Variants in TRPV3 observed in about 807,000 individuals in gnomAD.
The protein encoded by TRPV3 is transient receptor potential cation channel subfamily V member 3.
A neutral mutation model predicts 87.1 loss-of-function variants in TRPV3; 88 were observed. The observed-to-expected ratio is 1.01, with a 90% CI of 0.85 to 1.21. The LOEUF is 1.21. Ranked by LOEUF, TRPV3 falls within the 50% of genes most tolerant of loss-of-function variation. The probability of loss-of-function intolerance (pLI) is 0.00; values close to 1 mark genes in which losing one functional copy is unlikely to be tolerated. For synonymous variants in TRPV3, 438 were observed against 423.3 expected (o/e 1.03, Z -0.43); for missense variants, 1,054 against 1,030.1 (o/e 1.02, Z -0.32).
At chr17:3,540,307 G>A (rs180873536) in intron 6 of TRPV3, among the ~76,000 whole-genome samples, 15 of 152,188 alleles carry the variant, frequency 9.9e-5, no homozygotes, top group South Asian at 2.1e-4. Context: ...TAAGAGGAAG[G>A]AAGGCACCAG....
chr17:3,517,007 G>A (rs532556542), intron 15 of TRPV3, among the ~76,000 whole-genome samples: 75 of 152,310 alleles, frequency 4.9e-4, no homozygotes, highest in South Asian at 2.3e-3. Context: ...TTAGCTAGGC[G>A]TATGTCAGGC....
Position 3,514,605 on chromosome 17 carries a change from C to G in TRPV3, c.2266G>C (p.Val756Leu). 2 of 1,613,796 alleles carry G rather than the reference C, an allele frequency of 1.2e-6. No individual in the cohort carries two copies. The highest frequency in any genetic ancestry group is 1.7e-6 in the Non-Finnish European group (2 of 1,179,680). The change falls in exon 17 of 18, where the codon GTA becomes CTA. Residue 756 changes from valine to leucine, a missense_variant. Transcript: ENST00000576742. Reference sequence around the variant, plus strand: ...ACAGCGACAGTACCTGTTCGTCTTACAGGCCCCGGGTCTTCGTTAAGGAAG... The same window carrying G: ...ACAGCGACAGTACCTGTTCGTCTTAGAGGCCCCGGGTCTTCGTTAAGGAAG... ...VSFLNEDPGP[V>L]RRTDFNKIQD...
intron 13 of TRPV3, among the ~76,000 whole-genome samples, chr17:3,523,591 G>A: frequency 6.6e-6 from 1 of 151,924 alleles, no homozygotes; most frequent in East Asian, 1.9e-4. Flanking sequence ...GGTGGTGCGT[G>A]CCTGTGATCC....
rs1300583577 is a variant in TRPV3, at chr17:3,514,683, G to C, written c.2199-11C>G. On this transcript the variant is annotated splice_polypyrimidine_tract_variant and intron_variant, in intron 16 of 17. Coordinates refer to ENST00000576742, the MANE Select transcript of TRPV3 (RefSeq NM_145068.4). ...TTCACCTCATTGATCCTGCAAATGTGATAATCATTCTTACTATTTCACCAG... is the reference window on the plus strand; with the variant it reads ...TTCACCTCATTGATCCTGCAAATGTCATAATCATTCTTACTATTTCACCAG... The C allele has an allele frequency of 6.2e-7, 1 of 1,607,162 alleles. No homozygotes were observed. Among genetic ancestry groups the C allele is most frequent in the Non-Finnish European group, 8.5e-7 (1 of 1,173,890 alleles).
chr17:3,533,319 G>A (rs1464611009), intron 7 of TRPV3, among the ~76,000 whole-genome samples: 3 of 152,090 alleles, frequency 2.0e-5, no homozygotes, highest in Admixed American at 2.0e-4. Context: ...CACGCCGCCT[G>A]GGGGCCTTCG....
At position 3,535,578 on chromosome 17, in the gene TRPV3, T is replaced by C. The variant is rs1435166335; in HGVS notation, c.779A>G (p.Tyr260Cys). 3 of 1,600,914 alleles carry C rather than the reference T, an allele frequency of 1.9e-6. No homozygotes were observed. Among genetic ancestry groups the C allele is most frequent in the Non-Finnish European group, 2.6e-6 (3 of 1,175,092 alleles). Residue 260 changes from tyrosine to cysteine, a missense_variant, in exon 7 of 18, where the codon TAC becomes TGC. Coordinates refer to ENST00000576742, the MANE Select transcript of TRPV3 (RefSeq NM_145068.4). ...FNPKYQHEGF[Y>C]FGETPLALAA... ...CGGGCGGGGGCGGCACCCACCGAAG[T>C]AGAAGCCTTCGTGTTGGTACTTGGG...
At chr17:3,527,855 G>A in intron 11 of TRPV3, 170 bp downstream of exon 11, 1 of 613,944 alleles carries the variant, frequency 1.6e-6, no homozygotes, top group Admixed American at 2.7e-5. Flanking sequence ...AAGTAGGTAG[G>A]ATAGGCCAGC....
intron 9 of TRPV3, 142 bp downstream of exon 9, chr17:3,529,885 G>T (rs1350481673): frequency 2.2e-6 from 2 of 892,434 alleles, no homozygotes; most frequent in East Asian, 5.8e-5. Context: ...GCCTGACTCT[G>T]CTCACTGAGG....
At chr17:3,529,235 C>T (rs1211971720) in intron 9 of TRPV3, among the ~76,000 whole-genome samples, 1 of 152,138 alleles carries the variant, frequency 6.6e-6, no homozygotes, top group Non-Finnish European at 1.5e-5. Context: ...GGACCCGATG[C>T]ACAGCAGAAA....
At chr17:3,540,431 A>G (rs2074448101) in intron 6 of TRPV3, among the ~76,000 whole-genome samples, 1 of 152,192 alleles carries the variant, frequency 6.6e-6, no homozygotes, top group Non-Finnish European at 1.5e-5. Flanking sequence ...TCCTCGCCCC[A>G]GCAAGAGGCA....
Position 3,542,523 on chromosome 17 carries a change from T to G in TRPV3, c.642A>C (p.Glu214Asp). 6.2e-7 allele frequency: 1 copy of G among 1,613,166 alleles called. No individual in the cohort carries two copies. The highest frequency in any genetic ancestry group is 8.5e-7 in the Non-Finnish European group (1 of 1,179,502). The stretch of plus-strand genomic sequence containing the variant: ...ACAGCCCCTCTGCAGGCAGGATACC[T>G]TCATAGGCCTCCTCTGTGTACTCGG... Reference protein sequence around the residue: ...INAEYTEEAYEGQTALNIAIE... With the variant: ...INAEYTEEAYDGQTALNIAIE... The change falls in exon 6 of 18, where the codon GAA (glutamate) becomes GAC (aspartate). Residue 214 changes from glutamate (E) to aspartate (D), a missense_variant and splice_region_variant. By Grantham distance (45) the Glu-to-Asp change is conservative. Transcript: ENST00000576742.
At position 3,524,392 on chromosome 17, in the gene TRPV3, C is replaced by T. The variant is rs963073643; in HGVS notation, c.1578-29G>A. 8.7e-6 allele frequency: 14 copies of T among 1,611,508 alleles called. No homozygotes were observed. In the African/African-American group the frequency reaches 1.5e-4, roughly 17 times the overall value. ...TTCAGGAGACACAGGAGACACGGGC[C>T]TTACTTACTTCTCAGCATCAGGGCA... On this transcript the variant is annotated intron_variant, in intron 12 of 17. Coordinates refer to ENST00000576742, the MANE Select transcript of TRPV3 (RefSeq NM_145068.4).
At chr17:3,532,010 C>G (rs779480617) in intron 8 of TRPV3, among the ~76,000 whole-genome samples, 8 of 152,218 alleles carry the variant, frequency 5.3e-5, no homozygotes, top group Non-Finnish European at 1.0e-4. Context: ...GACAGTGAGG[C>G]TGAGGAACAC....
chr17:3,525,122 T>C (rs941565925), intron 12 of TRPV3, among the ~76,000 whole-genome samples: 45 of 151,712 alleles, frequency 3.0e-4, no homozygotes, highest in South Asian at 6.3e-4. Context: ...CAGGCTCAAG[T>C]GATTCTCCTG....
Position 3,557,123 on chromosome 17 carries a change from C to CG in TRPV3, c.-3+552dup, listed in dbSNP as rs1422510518. ...TCCCTGAGTCACCCCGTAAACCCCA[C>CG]GTTCTCACCTGCTGGACTCTCTTGT... On this transcript the variant is annotated intron_variant, in intron 1 of 17. Transcript: ENST00000576742. The surrounding 1 kb of genome is among the most constrained non-coding windows in gnomAD (Gnocchi z 4.5). 1.3e-5 allele frequency among the ~76,000 whole-genome samples: 2 copies of CG among 152,118 alleles called. No individual in the cohort carries two copies. Among genetic ancestry groups the CG allele is most frequent in the African/African-American group, 4.8e-5 (2 of 41,430 alleles).
Position 3,520,969 on chromosome 17 carries a change from T to C in TRPV3, c.1810+4A>G. 1 of 1,582,104 alleles carries C rather than the reference T, an allele frequency of 6.3e-7. No homozygotes were observed. Among genetic ancestry groups the C allele is most frequent in the Non-Finnish European group, 8.7e-7 (1 of 1,152,732 alleles). ...GGAGTTACTATTATTTATAAATCAATTACCTACTCCAAATCCAAGCAAAAA... is the reference window on the plus strand; with the variant it reads ...GGAGTTACTATTATTTATAAATCAACTACCTACTCCAAATCCAAGCAAAAA... On this transcript the variant is annotated splice_donor_region_variant and intron_variant, in intron 14 of 17. Coordinates refer to ENST00000576742, the MANE Select transcript of TRPV3 (RefSeq NM_145068.4).
chr17:3,514,621 G>T lies in TRPV3; in HGVS notation c.2250C>A (p.Asn750Lys), dbSNP rs967752259. The change falls in exon 17 of 18, where the codon AAC becomes AAA. Residue 750 changes from asparagine to lysine, a missense_variant. Asn to Lys is a moderately conservative substitution (Grantham distance 94, BLOSUM62 0). Transcript: ENST00000576742. The stretch of plus-strand genomic sequence containing the variant: ...TTCGTCTTACAGGCCCCGGGTCTTC[G>T]TTAAGGAAGGAGACGTGCGTCTTCC... ...TEWKTHVSFL[N>K]EDPGPVRRTD... 2 of 1,613,864 alleles carry T rather than the reference G, an allele frequency of 1.2e-6. No individual in the cohort carries two copies. The highest frequency in any genetic ancestry group is 1.7e-6 in the Non-Finnish European group (2 of 1,179,886).
chr17:3,548,092 C>A (rs2074542738), intron 2 of TRPV3, among the ~76,000 whole-genome samples: 1 of 152,322 alleles, frequency 6.6e-6, no homozygotes, highest in South Asian at 2.1e-4. Flanking sequence ...GGGACTGTGG[C>A]CTCCTGACCA....
intron 8 of TRPV3, among the ~76,000 whole-genome samples, chr17:3,531,640 C>T (rs1276010462): frequency 6.6e-6 from 1 of 152,172 alleles, no homozygotes; most frequent in African/African-American, 2.4e-5. Flanking sequence ...GGGACAGCAC[C>T]CGCCACAGTG....
Sources: allele counts gnomAD v4.1 joint callset (sites outside exome capture counted in the v4.1 genomes callset), GRCh38; gene constraint gnomAD v4.1.1; non-coding constraint Gnocchi (gnomAD v3.1); transcripts MANE v1.5; gene names NCBI Gene and HGNC (gene_info 2026-07-23, HGNC 2026-07-21).